Variants in CUX1 observed in about 807,000 individuals in gnomAD.
CUX1 encodes the protein protein CASP.
CUX1 carries 31 observed loss-of-function variants against 158.8 expected under a neutral mutation model. The ratio of observed to expected loss-of-function variants is 0.20; its 90% CI spans 0.15 to 0.26. The LOEUF is 0.26. Ranked by LOEUF, CUX1 falls within the 10% of genes least tolerant of loss-of-function variation. The probability of loss-of-function intolerance (pLI) is 1.00; values close to 1 mark genes in which losing one functional copy is unlikely to be tolerated. For synonymous variants in CUX1, 879 were observed against 862.1 expected, an observed-to-expected ratio of 1.02 and a Z score of -0.34; for missense variants, 1,589 against 2,014.6, an observed-to-expected ratio of 0.79 and a Z score of 4.04.
At chr7:102,273,475 C>G (rs781805496) in exon 15 of CUX1, 1 of 1,612,040 alleles carries the variant, frequency 6.2e-7, no homozygotes, top group Non-Finnish European at 8.5e-7. Context: ...TTCAGTCCAT[C>G]CAGCGGCCCG....
At chr7:102,124,123 G>A (rs1477066673) in intron 8 of CUX1, among the ~76,000 whole-genome samples, 1 of 152,166 alleles carries the variant, frequency 6.6e-6, no homozygotes, top group South Asian at 2.1e-4. Context: ...TAGGGATCTT[G>A]CAGTGTATAT....
At chr7:102,055,411 C>G (rs1824019943) in intron 3 of CUX1, among the ~76,000 whole-genome samples, 1 of 152,184 alleles carries the variant, frequency 6.6e-6, no homozygotes, top group Non-Finnish European at 1.5e-5. Flanking sequence ...CAGGTGCTCA[C>G]TTCCTTTCTC....
At chr7:102,091,171 A>G (rs1554482093) in intron 4 of CUX1, among the ~76,000 whole-genome samples, 2 of 152,208 alleles carry the variant, frequency 1.3e-5, no homozygotes, top group Non-Finnish European at 2.9e-5. Context: ...ATTTTCCTCA[A>G]CAAGCATTAA....
intron 2 of CUX1, among the ~76,000 whole-genome samples, chr7:101,946,588 G>A (rs1808406937): frequency 6.6e-6 from 1 of 151,724 alleles, no homozygotes; most frequent in African/African-American, 2.4e-5. Context: ...TCCAGCAGGA[G>A]GGTCAGTGGC....
chr7:102,252,796 T>G lies in CUX1; in HGVS notation c.*3754T>G, dbSNP rs1018885483. ...CTGTATCAGTGAAGACATCTGTGGT[T>G]TCTGCTCACCAGACCTCTCTTTAGA... is the stretch of plus-strand genomic sequence containing the variant. On this transcript the variant is annotated 3_prime_UTR_variant, in exon 24 of 24. Transcript: ENST00000292535. 1.6e-5 allele frequency: 16 copies of G among 985,498 alleles called. No individual in the cohort carries two copies. Among genetic ancestry groups the G allele is most frequent in the Middle Eastern group, 5.2e-4 (1 of 1,914 alleles). The allele number at this position is 985,498 out of a possible 1,614,324, so 61.0% of individuals were successfully genotyped here.
At chr7:101,885,437 G>A (rs1800125562) in intron 1 of CUX1, among the ~76,000 whole-genome samples, 1 of 152,134 alleles carries the variant, frequency 6.6e-6, no homozygotes, top group Non-Finnish European at 1.5e-5. Context: ...CCAAAGGTGG[G>A]AGGTTCAGCT....
At chr7:101,831,179 T>A (rs1793956829) in intron 1 of CUX1, among the ~76,000 whole-genome samples, 2 of 152,170 alleles carry the variant, frequency 1.3e-5, no homozygotes, top group Admixed American at 6.5e-5. Flanking sequence ...CTCCAAAGAC[T>A]TCCTTAGGCT....
chr7:101,990,908 G>A (rs1372360948), intron 2 of CUX1, among the ~76,000 whole-genome samples: 1 of 152,152 alleles, frequency 6.6e-6, no homozygotes, highest in African/African-American at 2.4e-5. Context: ...GTCCCTGGGG[G>A]TAAAGTGCCA....
intron 1 of CUX1, among the ~76,000 whole-genome samples, chr7:101,897,925 C>A (rs914190834): frequency 1.3e-5 from 2 of 152,122 alleles, no homozygotes; most frequent in African/African-American, 4.8e-5. Context: ...CCAAAAAATT[C>A]TTCCCCTGCA....
chr7:101,990,982 C>A (rs1165757603), intron 2 of CUX1, among the ~76,000 whole-genome samples: 1 of 152,182 alleles, frequency 6.6e-6, no homozygotes, highest in Non-Finnish European at 1.5e-5. Flanking sequence ...ATTTCCGCAT[C>A]TTTACGGAGT....
intron 3 of CUX1, among the ~76,000 whole-genome samples, chr7:102,046,569 ATTTTTTT>A (rs55753644): frequency 1.1e-4 from 6 of 55,476 alleles, no homozygotes; most frequent in Admixed American, 2.3e-4. Flanking sequence ...TTTGGTTTGG[ATTTTTTT>A]TTTTTTTTTT....
intron 15 of CUX1, among the ~76,000 whole-genome samples, chr7:102,273,875 C>T (rs78705134): frequency 0.01 from 1,593 of 152,394 alleles, 22 homozygotes; most frequent in African/African-American, 0.037. Context: ...CCTCGCCCAC[C>T]TCCCATTCTG....
intron 2 of CUX1, among the ~76,000 whole-genome samples, chr7:101,984,406 C>T (rs1025929061): frequency 1.3e-5 from 2 of 149,972 alleles, no homozygotes; most frequent in Admixed American, 1.3e-4. Context: ...ATAAAAACCT[C>T]GATATACAGC....
intron 8 of CUX1, among the ~76,000 whole-genome samples, chr7:102,126,331 G>T (rs568738356): frequency 6.6e-6 from 1 of 151,974 alleles, no homozygotes; most frequent in Admixed American, 6.6e-5. Context: ...GAGGTACCAC[G>T]CCCGGCCCGT....
chr7:102,098,245 C>T (rs1247878450), intron 5 of CUX1, among the ~76,000 whole-genome samples: 10 of 152,146 alleles, frequency 6.6e-5, no homozygotes, highest in African/African-American at 2.4e-4. Context: ...AATGTGAGTA[C>T]GGAATTAAAT....
intron 2 of CUX1, among the ~76,000 whole-genome samples, chr7:101,969,359 C>CAAAAAAAAAAAAAAAAAAAAAAA (rs10711703): frequency 1.8e-5 from 1 of 56,112 alleles, no homozygotes. Flanking sequence ...CAAAAAACAG[C>CAAAAAAAAAAAAAAAAAAAAAAA]AAAAAAAAAA....
intron 10 of CUX1, among the ~76,000 whole-genome samples, chr7:102,176,393 G>A (rs1003298295): frequency 1.1e-4 from 16 of 151,978 alleles, no homozygotes; most frequent in Non-Finnish European, 1.6e-4. Flanking sequence ...GGGGGACAGC[G>A]GCAAGGACAG....
chr7:101,899,021 T>G (rs1801861712), intron 1 of CUX1, among the ~76,000 whole-genome samples: 1 of 152,234 alleles, frequency 6.6e-6, no homozygotes, highest in Non-Finnish European at 1.5e-5. Flanking sequence ...TGCCTGTGGC[T>G]TCTTATCTGT....
chr7:102,273,502 A>AC, intron 15 of CUX1: 1 of 1,605,828 alleles, frequency 6.2e-7, no homozygotes, highest in South Asian at 1.1e-5. Flanking sequence ...AGGTGAGCCC[A>AC]CCCCCCTGCC....
Sources: allele counts gnomAD v4.1 joint callset (sites outside exome capture counted in the v4.1 genomes callset), GRCh38; gene constraint gnomAD v4.1.1; transcripts MANE v1.5; gene names NCBI Gene and HGNC (gene_info 2026-07-23, HGNC 2026-07-21).